Variants in TICRR observed in about 807,000 individuals in gnomAD.
TICRR encodes the protein TOPBP1 interacting checkpoint and replication regulator.
A neutral mutation model predicts 178.1 loss-of-function variants in TICRR; 132 were observed. That is an observed-to-expected ratio of 0.74 (90% CI 0.64 to 0.86). The LOEUF is 0.86. Among genes scored for constraint, TICRR ranks in the 40% least tolerant of loss-of-function variants. The pLI, the probability that TICRR is intolerant of heterozygous loss-of-function variation, is 0.00. For missense variants in TICRR, 2,587 were observed against 2,334.3 expected (o/e 1.11, Z -2.23); for synonymous variants, 991 against 900.7 (o/e 1.10, Z -1.79).
chr15:89,621,982 C>CTTTTT lies in TICRR; in HGVS notation c.3312+449_3312+453dup, dbSNP rs34123859. 7.1e-3 allele frequency among the ~76,000 whole-genome samples: 620 copies of CTTTTT among 87,602 alleles called. 9 individuals carry two copies. Among genetic ancestry groups the CTTTTT allele is most frequent in the Non-Finnish European group, 8.8e-3 (412 of 46,632 alleles). 57.5% of individuals were successfully genotyped at this position (87,602 alleles called of 152,430 possible). On this transcript the variant is annotated intron_variant, in intron 19 of 21. Transcript: ENST00000268138. ...TGCCCATTTTATTTACAAACTGACT[C>CTTTTT]TTTTTTTTTTTTTTTTTTTTTGGAG... is the stretch of plus-strand genomic sequence containing the variant.
intron 15 of TICRR, among the ~76,000 whole-genome samples, chr15:89,615,858 G>C (rs1055305154): frequency 6.6e-6 from 1 of 151,510 alleles, no homozygotes; most frequent in Non-Finnish European, 1.5e-5. Flanking sequence ...TTTCAGGATT[G>C]CTTATTAGAT....
intron 13 of TICRR, among the ~76,000 whole-genome samples, chr15:89,603,387 G>C (rs1215200715): frequency 6.6e-6 from 1 of 152,094 alleles, no homozygotes; most frequent in Non-Finnish European, 1.5e-5. Flanking sequence ...GACCAGCCTG[G>C]ACAACATAGC....
intron 6 of TICRR, 70 bp from the exon 7 acceptor site, chr15:89,595,323 T>C: frequency 9.3e-7 from 1 of 1,076,582 alleles, no homozygotes; most frequent in Non-Finnish European, 1.4e-6. Context: ...GTAATCTGAA[T>C]TAAAGTAGTT....
chr15:89,575,712 G>T lies in TICRR; in HGVS notation c.126G>T (p.Arg42Ser). 1 of 1,608,906 alleles carries T rather than the reference G, an allele frequency of 6.2e-7. No homozygotes were observed. Among genetic ancestry groups the T allele is most frequent in the South Asian group, 1.1e-5 (1 of 90,416 alleles). ...TGAGTTGCCGATTCGGCCTGGCCAGGGTCCACTGGGCCTTCAAGTTCTTTG... is the reference window on the plus strand; with the variant it reads ...TGAGTTGCCGATTCGGCCTGGCCAGTGTCCACTGGGCCTTCAAGTTCTTTG... ...TYLSCRFGLA[R>S]VHWAFKFFDS... is the part of the protein sequence containing the mutation. The change falls in exon 1 of 22, where the codon AGG becomes AGT. Residue 42 changes from arginine (R) to serine (S), a missense_variant. Physicochemically the swap from Arg to Ser is moderately radical, Grantham distance 110. Transcript: ENST00000268138.
In TICRR at chr15:89,624,434, C is replaced by T. The variant is rs267604373; in HGVS notation, c.4124C>T (p.Pro1375Leu). ...AGAGCTACATTGGACACCGTCCCTCCTCCACCCCCTTCTAAAGTTGGGAAA... is the reference window on the plus strand; with the variant it reads ...AGAGCTACATTGGACACCGTCCCTCTTCCACCCCCTTCTAAAGTTGGGAAA... ...SQRATLDTVP[P>L]PPPSKVGKRC... is the part of the protein sequence containing the mutation. The change falls in exon 20 of 22, where the codon CCT becomes CTT. Residue 1375 changes from proline (P) to leucine (L), a missense_variant. By Grantham distance (98) the Pro-to-Leu change is moderately conservative. Transcript: ENST00000268138. 3.1e-6 allele frequency: 5 copies of T among 1,614,198 alleles called. No individual in the cohort carries two copies. The highest frequency in any genetic ancestry group is 2.2e-5 in the South Asian group (2 of 91,086).
At chr15:89,594,877 A>C (rs891883593) in intron 6 of TICRR, among the ~76,000 whole-genome samples, 5 of 152,172 alleles carry the variant, frequency 3.3e-5, no homozygotes, top group Non-Finnish European at 7.4e-5. Flanking sequence ...AACTAAATTT[A>C]CAAAATTCTC....
At chr15:89,579,192 T>C (rs186303297) in intron 1 of TICRR, among the ~76,000 whole-genome samples, 26 of 152,306 alleles carry the variant, frequency 1.7e-4, no homozygotes, top group Non-Finnish European at 2.8e-4. Context: ...AGGAATCAAA[T>C]AGATGTGGTC....
intron 4 of TICRR, among the ~76,000 whole-genome samples, chr15:89,590,498 A>G (rs766963789): frequency 3.3e-5 from 5 of 152,360 alleles, no homozygotes; most frequent in Non-Finnish European, 7.3e-5. Flanking sequence ...GAAGAACTGC[A>G]GTATTTTACC....
At position 89,624,381 on chromosome 15, in the gene TICRR, TC is replaced by T; in HGVS notation, c.4074del (p.Ser1359GlnfsTer69). 6.2e-7 allele frequency: 1 copy of T among 1,614,092 alleles called. No individual in the cohort carries two copies. Among genetic ancestry groups the T allele is most frequent in the Non-Finnish European group, 8.5e-7 (1 of 1,179,990 alleles). ...SVAASLSCPV[P>X]STPPELSQRA... ...TAGCTGCATCTCTCTCCTGCCCTGT[TC>T]CCTCAACTCCCCCTGAACTCTCACA... On this transcript the variant is annotated frameshift_variant, in exon 20 of 22. Coordinates refer to ENST00000268138, the MANE Select transcript of TICRR (RefSeq NM_152259.4). LOFTEE classifies it high-confidence loss of function.
Position 89,627,575 on chromosome 15 carries a change from C to A in TICRR, c.*489C>A, listed in dbSNP as rs1963556827. On this transcript the variant is annotated 3_prime_UTR_variant, in exon 22 of 22. Coordinates refer to ENST00000268138, the MANE Select transcript of TICRR (RefSeq NM_152259.4). ...GCTATTTTTTGCCTTCCCTGTGTAA[C>A]AGTAAAATCATCTCTAGTGACTGAG... The A allele has an allele frequency of 6.4e-6, 1 of 156,396 alleles. No individual in the cohort carries two copies. The highest frequency in any genetic ancestry group is 2.4e-5 in the African/African-American group (1 of 41,518). 9.7% of individuals were successfully genotyped at this position (156,396 alleles called of 1,614,324 possible).
Position 89,618,164 on chromosome 15 carries a change from T to G in TICRR, c.2973T>G (p.Pro991=). 6.2e-7 allele frequency: 1 copy of G among 1,614,220 alleles called. No individual in the cohort carries two copies. Among genetic ancestry groups the G allele is most frequent in the Non-Finnish European group, 8.5e-7 (1 of 1,180,032 alleles). The change falls in exon 17 of 22, where the codon CCT becomes CCG. Residue 991 remains proline (P), a synonymous_variant. Transcript: ENST00000268138. ...HRQIKGRSSD[P]GPDIGVVEES... is the part of the protein sequence containing the mutation. ...GTGGTTCCTCGAGGTCCTCTGATCC[T>G]GGTCCTGATATTGGTGTTGTTGAAG...
At position 89,627,229 on chromosome 15, in the gene TICRR, C is replaced by G; in HGVS notation, c.*143C>G. On this transcript the variant is annotated 3_prime_UTR_variant, in exon 22 of 22. Transcript: ENST00000268138. ...AGAATGCCTTAGGGTTTTCTAATTC[C>G]CCTTATGGATCCAATCCATCTCCTG... is the stretch of plus-strand genomic sequence containing the variant. 1 of 992,490 alleles carries G rather than the reference C, an allele frequency of 1.0e-6. No homozygotes were observed. The highest frequency in any genetic ancestry group is 2.5e-5 in the East Asian group (1 of 39,608). The allele number at this position is 992,490 out of a possible 1,614,324, so 61.5% of individuals were successfully genotyped here. A position where few individuals can be genotyped will look rare whatever the true frequency, so the allele number is the denominator to read the frequency against.
Position 89,594,449 on chromosome 15 carries a change from T to C in TICRR, c.1576T>C (p.Ser526Pro), listed in dbSNP as rs753659724. 1.2e-6 allele frequency: 2 copies of C among 1,612,652 alleles called. No homozygotes were observed. The highest frequency in any genetic ancestry group is 1.7e-6 in the Non-Finnish European group (2 of 1,179,376). ...GGCTGCCTCAGCTAATAAGGAAGAG[T>C]CTTCCAAAACTGAAGGCGAATTAAT... ...LQAASANKEE[S>P]SKTEGELIHC... The change falls in exon 6 of 22, where the codon TCT becomes CCT. Residue 526 changes from serine (S) to proline (P), a missense_variant. Ser to Pro is a moderately conservative substitution (Grantham distance 74). Transcript: ENST00000268138.
At chr15:89,598,089 G>A (rs1028860382) in intron 7 of TICRR, among the ~76,000 whole-genome samples, 2 of 152,048 alleles carry the variant, frequency 1.3e-5, no homozygotes, top group African/African-American at 2.4e-5. Flanking sequence ...CTTGTATCCT[G>A]CAAATTTGCT....
chr15:89,623,738 C>T lies in TICRR; in HGVS notation c.3428C>T (p.Ala1143Val). 1 of 1,614,002 alleles carries T rather than the reference C, an allele frequency of 6.2e-7. No homozygotes were observed. Among genetic ancestry groups the T allele is most frequent in the Non-Finnish European group, 8.5e-7 (1 of 1,179,984 alleles). ...CCAGAAAGGCTGCAGAAGTCCCCTG[C>T]AAAAATGACCCCTACAAAGCAGGCA... The part of the protein sequence containing the change: ...YTPERLQKSP[A>V]KMTPTKQAAF... The change falls in exon 20 of 22, where the codon GCA becomes GTA. Residue 1143 changes from alanine (A) to valine (V), a missense_variant. Coordinates refer to ENST00000268138, the MANE Select transcript of TICRR (RefSeq NM_152259.4).
At chr15:89,607,644 G>A (rs1412320172) in intron 14 of TICRR, among the ~76,000 whole-genome samples, 3 of 152,086 alleles carry the variant, frequency 2.0e-5, no homozygotes, top group African/African-American at 7.2e-5. Flanking sequence ...TTTGGTGTGT[G>A]TTATTGATGT....
intron 7 of TICRR, among the ~76,000 whole-genome samples, chr15:89,597,003 G>T (rs1258682903): frequency 6.6e-6 from 1 of 152,066 alleles, no homozygotes; most frequent in Non-Finnish European, 1.5e-5. Context: ...GCTCAATGTG[G>T]TCTGTAAGAT....
At chr15:89,611,500 G>C (rs2141972648) in intron 15 of TICRR, among the ~76,000 whole-genome samples, 1 of 152,154 alleles carries the variant, frequency 6.6e-6, no homozygotes, top group Non-Finnish European at 1.5e-5. Context: ...GAACTTCTTG[G>C]ATGTATATGT....
chr15:89,616,300 C>A, intron 15 of TICRR, 105 bp from the exon 16 acceptor site: 2 of 825,394 alleles, frequency 2.4e-6, no homozygotes, highest in Non-Finnish European at 4.0e-6. Flanking sequence ...TCCTCTCCAG[C>A]TAGGTAATAA....
Sources: gnomAD v4.1 joint callset for allele counts (sites outside exome capture counted in the v4.1 genomes callset) on GRCh38, gnomAD v4.1.1 for gene constraint, MANE v1.5 for transcripts, NCBI Gene and HGNC (gene_info 2026-07-23, HGNC 2026-07-21) for gene names.